UBE2D2: variants seen among roughly 807,000 people sequenced by gnomAD.
UBE2D2 encodes the protein ubiquitin conjugating enzyme E2 D2.
In UBE2D2, 2 loss-of-function variants were observed where a neutral mutation model predicts 24.2. The observed-to-expected ratio is 0.08, with a 90% CI of 0.03 to 0.26. The LOEUF is 0.26. Ranked by LOEUF, UBE2D2 falls within the 10% of genes least tolerant of loss-of-function variation. UBE2D2 has a pLI of 1.00. For synonymous variants in UBE2D2, 58 were observed against 56.5 expected (o/e 1.03, Z -0.12); for missense variants, 44 against 177.6 (o/e 0.25, Z 4.28).
intron 1 of UBE2D2, among the ~76,000 whole-genome samples, chr5:139,574,530 A>G (rs921336601): frequency 7.2e-5 from 11 of 151,982 alleles, no homozygotes; most frequent in Non-Finnish European, 1.6e-4. Flanking sequence ...TGGCTTCTCT[A>G]GGAAGCATGC....
chr5:139,563,886 G>T (rs1443434322), intron 1 of UBE2D2, among the ~76,000 whole-genome samples: 1 of 151,744 alleles, frequency 6.6e-6, no homozygotes, highest in Non-Finnish European at 1.5e-5. Context: ...AGTGAGCCGA[G>T]ATCGCGCCAC....
chr5:139,613,767 T>A (rs1754370421), intron 2 of UBE2D2, among the ~76,000 whole-genome samples: 1 of 152,152 alleles, frequency 6.6e-6, no homozygotes, highest in South Asian at 2.1e-4. Flanking sequence ...GACTTTACTG[T>A]TTTGTCCCCC....
chr5:139,605,675 TCCCTCCCTTCCTTTCCCCCTCC>T (rs934695137), intron 2 of UBE2D2, among the ~76,000 whole-genome samples: 1 of 150,398 alleles, frequency 6.6e-6, no homozygotes, highest in African/African-American at 2.4e-5. Flanking sequence ...CCTTCTCTCT[TCCCTCCCTTCCTTTCCCCCTCC>T]TCCTCCCCTC....
At chr5:139,531,491 G>A (rs558864475) in intron 1 of UBE2D2, among the ~76,000 whole-genome samples, 6 of 152,120 alleles carry the variant, frequency 3.9e-5, no homozygotes, top group Non-Finnish European at 7.4e-5. Flanking sequence ...GTAGCTTGCC[G>A]ATGCTCCCAG....
chr5:139,561,932 C>T (rs892976163), intron 1 of UBE2D2, 117 bp downstream of exon 1: 12 of 1,367,950 alleles, frequency 8.8e-6, no homozygotes, highest in South Asian at 1.6e-5. Context: ...CGGTGCTGGC[C>T]CCTCGGGGCG....
At chr5:139,606,223 G>A (rs1390411992) in intron 2 of UBE2D2, among the ~76,000 whole-genome samples, 1 of 151,942 alleles carries the variant, frequency 6.6e-6, no homozygotes, top group Non-Finnish European at 1.5e-5. Context: ...GTGCAGTGGC[G>A]CAATCTCGGC....
chr5:139,574,735 CAAAAA>C (rs75539434), intron 1 of UBE2D2, among the ~76,000 whole-genome samples: 13 of 70,722 alleles, frequency 1.8e-4, no homozygotes, highest in African/African-American at 2.9e-4. Context: ...GGTGGGGTGG[CAAAAA>C]AAAAAAAAAA....
upstream of UBE2D2, among the ~76,000 whole-genome samples, chr5:139,559,346 G>C (rs905134731): frequency 5.9e-5 from 9 of 151,324 alleles, no homozygotes; most frequent in Non-Finnish European, 1.3e-4. Flanking sequence ...AGAATGGCCT[G>C]AACCCGGGAG....
At chr5:139,551,396 A>G (rs1196667268) in intron 1 of UBE2D2, among the ~76,000 whole-genome samples, 7 of 152,188 alleles carry the variant, frequency 4.6e-5, no homozygotes, top group Non-Finnish European at 1.0e-4. Flanking sequence ...ACACTTGCAC[A>G]ATATCTTCTC....
chr5:139,548,193 A>AAAAAAAAAAAAAAATAAATAAAT lies in UBE2D2; in HGVS notation c.-64+21584_-64+21585insAAAAAAAAAAATAAATAAATAAA. ...AAAAAAAAAAAAAAAATAAAAAAAA[A>AAAAAAAAAAAAAAATAAATAAAT]AAATAAATAAATAAATAAATAAACG... On this transcript the variant is annotated intron_variant, in intron 1 of 6. Coordinates refer to the UBE2D2 transcript ENST00000511725. Among the ~76,000 whole-genome samples the AAAAAAAAAAAAAAATAAATAAAT allele has an allele frequency of 1.1e-3, 51 of 47,080 alleles. 2 individuals are homozygous for AAAAAAAAAAAAAAATAAATAAAT. Among genetic ancestry groups the AAAAAAAAAAAAAAATAAATAAAT allele is most frequent in the East Asian group, 2.6e-3 (4 of 1,524 alleles). 30.9% of individuals were successfully genotyped at this position (47,080 alleles called of 152,430 possible).
At position 139,580,046 on chromosome 5, in the gene UBE2D2, A is replaced by C. The variant is rs568372525; in HGVS notation, c.24+18231A>C. On this transcript the variant is annotated intron_variant, in intron 1 of 6. Transcript: ENST00000398733. The stretch of plus-strand genomic sequence containing the variant: ...GGGCAACAGAGCGAGACTCCCTCTC[A>C]AAAAAAAAAAAAAAAGTTGTTCCCA... 8.1e-4 allele frequency among the ~76,000 whole-genome samples: 96 copies of C among 118,080 alleles called. 1 individual carries two copies. Among genetic ancestry groups the C allele is most frequent in the African/African-American group, 3.1e-3 (94 of 30,494 alleles). The allele number at this position is 118,080 out of a possible 152,430, so 77.5% of individuals were successfully genotyped here.
chr5:139,528,892 G>A (rs1356198151), intron 1 of UBE2D2, among the ~76,000 whole-genome samples: 4 of 151,948 alleles, frequency 2.6e-5, no homozygotes, highest in African/African-American at 7.3e-5. Flanking sequence ...GAGAAGCTTC[G>A]CCAACCCCTG....
intron 1 of UBE2D2, among the ~76,000 whole-genome samples, chr5:139,582,832 A>G (rs1215524108): frequency 1.3e-5 from 2 of 151,684 alleles, no homozygotes; most frequent in South Asian, 2.1e-4. Context: ...CGCCACGCCC[A>G]GCTAATTTTT....
intron 2 of UBE2D2, among the ~76,000 whole-genome samples, chr5:139,601,899 GACTT>G (rs1175025123): frequency 7.3e-6 from 1 of 137,610 alleles, no homozygotes; most frequent in Non-Finnish European, 1.5e-5. Flanking sequence ...GACAGAGTGA[GACTT>G]ACTCTCAAAA....
chr5:139,618,997 A>G (rs1456624369), intron 5 of UBE2D2, among the ~76,000 whole-genome samples: 2 of 152,218 alleles, frequency 1.3e-5, no homozygotes, highest in South Asian at 2.1e-4. Flanking sequence ...TTTAAAAAAC[A>G]AAAACAAAAA....
intron 1 of UBE2D2, among the ~76,000 whole-genome samples, chr5:139,563,474 C>T (rs1050397802): frequency 2.6e-5 from 4 of 151,100 alleles, no homozygotes; most frequent in African/African-American, 4.9e-5. Context: ...GAGGAGTAGT[C>T]ATCCAAAAAA....
chr5:139,559,308 T>C (rs919053739), upstream of UBE2D2, among the ~76,000 whole-genome samples: 8 of 151,496 alleles, frequency 5.3e-5, no homozygotes, highest in African/African-American at 1.9e-4. Flanking sequence ...GTGCCTGTAG[T>C]CCCAGCTACT....
At chr5:139,624,294 T>A (rs1276487390) in intron 6 of UBE2D2, among the ~76,000 whole-genome samples, 1 of 152,162 alleles carries the variant, frequency 6.6e-6, no homozygotes, top group Non-Finnish European at 1.5e-5. Flanking sequence ...TAGCTAAAAG[T>A]GTTCTAGTAG....
At chr5:139,568,556 A>G (rs1051514972) in intron 1 of UBE2D2, among the ~76,000 whole-genome samples, 11 of 151,558 alleles carry the variant, frequency 7.3e-5, no homozygotes, top group Admixed American at 2.0e-4. Flanking sequence ...TATTCGGGAG[A>G]CTGAGGCAGG....
Sources: gnomAD v4.1 joint callset for allele counts (sites outside exome capture counted in the v4.1 genomes callset) on GRCh38, gnomAD v4.1.1 for gene constraint, MANE v1.5 for transcripts, NCBI Gene and HGNC (gene_info 2026-07-23, HGNC 2026-07-21) for gene names.